The following SERPINE2 variants were observed in gnomAD, a reference collection of about 807,000 sequenced individuals.
The protein encoded by SERPINE2 is serpin family E member 2, also known as glia-derived nexin.
Under a neutral mutation model 36.3 loss-of-function variants are expected in SERPINE2, and 14 were observed. The observed-to-expected ratio is 0.39, with a 90% confidence interval of 0.25 to 0.60. The LOEUF is 0.60. Ranked by LOEUF, SERPINE2 falls within the 20% of genes least tolerant of loss-of-function variation. The probability of loss-of-function intolerance (pLI) is 0.57; values close to 1 mark genes in which losing one functional copy is unlikely to be tolerated. For missense variants in SERPINE2, 418 were observed against 499.6 expected, an observed-to-expected ratio of 0.84 and a Z score of 1.56; for synonymous variants, 192 against 191.8, an observed-to-expected ratio of 1.00 and a Z score of -0.01.
intron 3 of SERPINE2, 54 bp downstream of exon 3, chr2:223,998,061 A>T: frequency 6.9e-7 from 1 of 1,438,996 alleles, no homozygotes; most frequent in Non-Finnish European, 9.8e-7. Flanking sequence ...CTGGAGTCTA[A>T]CTCATGCTTC....
In SERPINE2 at chr2:223,979,922, A is replaced by G. The variant is rs553291784; in HGVS notation, c.1072+389T>C. ...CAGGACAAATCCTGTTTTTATAAAT[A>G]AAGTTTTATTGGAACACAGCCACAT... is the stretch of plus-strand genomic sequence containing the variant. On this transcript the variant is annotated intron_variant, in intron 7 of 8. Coordinates refer to ENST00000409304, the MANE Select transcript of SERPINE2 (RefSeq NM_001136528.2). The G allele has an allele frequency of 3.4e-3, 529 of 155,324 alleles. 3 individuals carry two copies. Among genetic ancestry groups the G allele is most frequent in the African/African-American group, 0.012 (514 of 41,694 alleles). The allele number at this position is 155,324 out of a possible 1,614,324, so 9.6% of individuals were successfully genotyped here.
intron 1 of SERPINE2, among the ~76,000 whole-genome samples, chr2:224,032,951 C>T (rs1692426206): frequency 6.6e-6 from 1 of 152,204 alleles, no homozygotes; most frequent in Non-Finnish European, 1.5e-5. Flanking sequence ...AGGCAAGACT[C>T]ACTGACTGTA....
intron 1 of SERPINE2, among the ~76,000 whole-genome samples, chr2:224,036,022 A>G (rs992620106): frequency 1.2e-4 from 18 of 152,242 alleles, no homozygotes; most frequent in African/African-American, 4.3e-4. Context: ...TTCGCTAACA[A>G]TGAAGCGGAT....
intron 3 of SERPINE2, among the ~76,000 whole-genome samples, chr2:223,995,249 T>C (rs1286373809): frequency 2.0e-5 from 3 of 152,168 alleles, no homozygotes; most frequent in Non-Finnish European, 4.4e-5. Flanking sequence ...CCACTCTCTG[T>C]AGGGAAGGAA....
At chr2:224,022,031 C>T (rs1248068823) in intron 1 of SERPINE2, among the ~76,000 whole-genome samples, 4 of 151,796 alleles carry the variant, frequency 2.6e-5, no homozygotes, top group African/African-American at 4.8e-5. Context: ...TGGTGGCGGG[C>T]GCCTGTAGTC....
chr2:223,977,717 A>G (rs376756791), intron 7 of SERPINE2, 90 bp from the exon 8 acceptor site: 101 of 840,182 alleles, frequency 1.2e-4, no homozygotes, highest in East Asian at 1.0e-3. Context: ...ATGGACCCTC[A>G]GAGGCTGGTG....
intron 1 of SERPINE2, chr2:224,010,263 G>T: frequency 1.4e-6 from 1 of 723,170 alleles, no homozygotes; most frequent in Non-Finnish European, 1.7e-6. Context: ...TTAAATTTTT[G>T]TCTGCCTTCA....
At chr2:223,983,411 G>A (rs962699704) in intron 5 of SERPINE2, among the ~76,000 whole-genome samples, 5 of 152,028 alleles carry the variant, frequency 3.3e-5, no homozygotes, top group Non-Finnish European at 5.9e-5. Context: ...CCACGACCAT[G>A]CCTGGCTAAT....
intron 1 of SERPINE2, among the ~76,000 whole-genome samples, chr2:224,005,786 G>T (rs941989256): frequency 6.6e-6 from 1 of 152,152 alleles, no homozygotes; most frequent in African/African-American, 2.4e-5. Context: ...GTACTGCATA[G>T]CAACAAGATG....
intron 1 of SERPINE2, among the ~76,000 whole-genome samples, chr2:224,010,912 C>T (rs1259652499): frequency 1.3e-5 from 2 of 152,144 alleles, no homozygotes; most frequent in Non-Finnish European, 2.9e-5. Context: ...AACACTGCTA[C>T]CTTGATAAAG....
At chr2:224,007,994 A>G (rs1231455472) in intron 1 of SERPINE2, among the ~76,000 whole-genome samples, 2 of 152,188 alleles carry the variant, frequency 1.3e-5, no homozygotes, top group African/African-American at 2.4e-5. Context: ...TATGATAGGG[A>G]GCTGAGCAGA....
At chr2:223,983,689 TATATGCACACAC>T (rs1559195338) in intron 5 of SERPINE2, among the ~76,000 whole-genome samples, 3 of 53,786 alleles carry the variant, frequency 5.6e-5, no homozygotes, top group African/African-American at 1.8e-4. Flanking sequence ...TATATGGAGA[TATATGCACACAC>T]ACACACACAC....
At chr2:224,035,581 C>T (rs1267644604) in intron 1 of SERPINE2, among the ~76,000 whole-genome samples, 1 of 152,132 alleles carries the variant, frequency 6.6e-6, no homozygotes, top group African/African-American at 2.4e-5. Context: ...GTTGATCAGG[C>T]TGGTCTTGAA....
intron 1 of SERPINE2, among the ~76,000 whole-genome samples, chr2:224,028,875 C>G (rs1453160376): frequency 6.6e-6 from 1 of 152,136 alleles, no homozygotes; most frequent in Non-Finnish European, 1.5e-5. Context: ...CACGCAGAAC[C>G]AGAACACAAG....
intron 8 of SERPINE2, 63 bp downstream of exon 8, chr2:223,977,481 G>T: frequency 9.8e-7 from 1 of 1,016,798 alleles, no homozygotes; most frequent in Non-Finnish European, 1.6e-6. Flanking sequence ...ATATAATGAA[G>T]AGTGCAATAT....
At chr2:223,997,294 C>T (rs967275851) in intron 3 of SERPINE2, among the ~76,000 whole-genome samples, 7 of 152,164 alleles carry the variant, frequency 4.6e-5, no homozygotes, top group East Asian at 1.9e-4. Flanking sequence ...AATCTCGGCT[C>T]ATTGCAATCT....
At chr2:224,017,604 C>T (rs541111372) in intron 1 of SERPINE2, among the ~76,000 whole-genome samples, 1 of 152,254 alleles carries the variant, frequency 6.6e-6, no homozygotes, top group East Asian at 1.9e-4. Flanking sequence ...TAAGACAAAC[C>T]ACCCAAGTTC....
chr2:223,981,881 T>C (rs1259204362), intron 6 of SERPINE2: 2 of 152,172 alleles, frequency 1.3e-5, no homozygotes, highest in African/African-American at 4.8e-5. Flanking sequence ...AAAATACATA[T>C]CTGGGTACAG....
chr2:224,032,099 A>C (rs1692398640), intron 1 of SERPINE2, among the ~76,000 whole-genome samples: 1 of 152,226 alleles, frequency 6.6e-6, no homozygotes, highest in Admixed American at 6.5e-5. Flanking sequence ...TATAATCTTA[A>C]CAGTGACCAA....
Sources: allele counts gnomAD v4.1 joint callset (sites outside exome capture counted in the v4.1 genomes callset), GRCh38; gene constraint gnomAD v4.1.1; transcripts MANE v1.5; gene names NCBI Gene and HGNC (gene_info 2026-07-23, HGNC 2026-07-21).